AGBL4: variants seen among roughly 807,000 people sequenced by gnomAD.
AGBL4 encodes the protein AGBL carboxypeptidase 4.
A neutral mutation model predicts 66.4 loss-of-function variants in AGBL4; 58 were observed. The ratio of observed to expected loss-of-function variants is 0.87; its 90% confidence interval spans 0.71 to 1.09. AGBL4 has a LOEUF of 1.09. Among genes scored for constraint, AGBL4 ranks in the 50% least tolerant of loss-of-function variants. AGBL4 has a pLI of 0.00. For synonymous variants in AGBL4, 234 were observed against 222.9 expected (o/e 1.05, Z -0.44); for missense variants, 579 against 631.0 (o/e 0.92, Z 0.88).
intron 3 of AGBL4, among the ~76,000 whole-genome samples, chr1:49,351,021 G>C (rs1557861904): frequency 6.6e-6 from 1 of 152,112 alleles, no homozygotes; most frequent in Non-Finnish European, 1.5e-5. Flanking sequence ...CTGTCTCATG[G>C]AGTTTGTAAC....
intron 3 of AGBL4, among the ~76,000 whole-genome samples, chr1:49,397,154 A>C (rs903456347): frequency 5.9e-5 from 9 of 152,060 alleles, no homozygotes; most frequent in Non-Finnish European, 1.2e-4. Flanking sequence ...ACAGGCCACA[A>C]ACCAGTACTG....
intron 2 of AGBL4, among the ~76,000 whole-genome samples, chr1:49,773,104 C>T (rs952142907): frequency 1.3e-5 from 2 of 152,040 alleles, no homozygotes; most frequent in Non-Finnish European, 1.5e-5. Context: ...TCTTCTGTTT[C>T]GGCTAGTACA....
chr1:49,679,130 AGG>A, intron 3 of AGBL4, among the ~76,000 whole-genome samples: 1 of 152,186 alleles, frequency 6.6e-6, no homozygotes, highest in East Asian at 1.9e-4. Flanking sequence ...TTGTTGAGAG[AGG>A]GGTGTTGAAG....
At chr1:49,236,942 G>C (rs1342394241) in intron 4 of AGBL4, among the ~76,000 whole-genome samples, 1 of 151,942 alleles carries the variant, frequency 6.6e-6, no homozygotes, top group African/African-American at 2.4e-5. Flanking sequence ...CTGTTATCCT[G>C]ATAGGGAATC....
At chr1:49,843,315 T>G (rs1164140372) in intron 2 of AGBL4, among the ~76,000 whole-genome samples, 1 of 151,720 alleles carries the variant, frequency 6.6e-6, no homozygotes, top group Admixed American at 6.6e-5. Flanking sequence ...TGTGTGTGTG[T>G]GTGTGTGGAG....
At chr1:49,980,704 A>G (rs1328764556) in intron 1 of AGBL4, among the ~76,000 whole-genome samples, 1 of 152,162 alleles carries the variant, frequency 6.6e-6, no homozygotes, top group East Asian at 1.9e-4. Flanking sequence ...CCTCTTGGCT[A>G]TTGTGAATAC....
At chr1:48,930,735 T>C (rs1345433138) in intron 5 of AGBL4, among the ~76,000 whole-genome samples, 2 of 152,202 alleles carry the variant, frequency 1.3e-5, no homozygotes, top group Non-Finnish European at 2.9e-5. Context: ...AAATATTTTG[T>C]CACTACCATT....
In AGBL4 at chr1:49,645,912, G is replaced by GA. The variant is rs200013166; in HGVS notation, c.282+51400dup. On this transcript the variant is annotated intron_variant, in intron 3 of 13. Coordinates refer to ENST00000371839, the MANE Select transcript of AGBL4 (RefSeq NM_032785.4). ...TTCACCATTTTAACAAACTAAAAAA[G>GA]AAAAAAAAACCCATATGATTACCTA... Among the ~76,000 whole-genome samples the GA allele has an allele frequency of 8.9e-4, 132 of 148,342 alleles. 1 individual carries two copies. In the East Asian group the frequency reaches 0.019, roughly 22 times the overall value.
At chr1:49,031,962 A>ATGT (rs10680485) in intron 5 of AGBL4, among the ~76,000 whole-genome samples, 2 of 151,712 alleles carry the variant, frequency 1.3e-5, no homozygotes, top group South Asian at 4.2e-4. Flanking sequence ...GAGAAAGGGT[A>ATGT]CAAGAAAGAA....
At chr1:48,627,803 G>A (rs1292715653) in intron 9 of AGBL4, among the ~76,000 whole-genome samples, 1 of 152,108 alleles carries the variant, frequency 6.6e-6, no homozygotes, top group Non-Finnish European at 1.5e-5. Flanking sequence ...TCTCAAAATA[G>A]CAACTTTGGG....
intron 4 of AGBL4, among the ~76,000 whole-genome samples, chr1:49,191,302 T>G (rs894950060): frequency 6.6e-6 from 1 of 152,208 alleles, no homozygotes; most frequent in African/African-American, 2.4e-5. Context: ...ACTTCTCCAA[T>G]TATATCACCT....
chr1:49,904,747 A>C (rs1650095519), intron 1 of AGBL4, among the ~76,000 whole-genome samples: 1 of 152,250 alleles, frequency 6.6e-6, no homozygotes, highest in Non-Finnish European at 1.5e-5. Flanking sequence ...GAAGGTAAAC[A>C]ATCAGCCTAC....
chr1:49,715,723 T>A (rs1648068185), intron 2 of AGBL4, among the ~76,000 whole-genome samples: 1 of 152,178 alleles, frequency 6.6e-6, no homozygotes, highest in South Asian at 2.1e-4. Flanking sequence ...TGATGAGCCT[T>A]TTTTCATATA....
At chr1:49,512,276 C>T (rs1175324847) in intron 3 of AGBL4, among the ~76,000 whole-genome samples, 1 of 151,978 alleles carries the variant, frequency 6.6e-6, no homozygotes, top group Non-Finnish European at 1.5e-5. Flanking sequence ...TAAATCCTAC[C>T]TGCAATATTT....
chr1:49,921,228 T>G (rs529165208), intron 1 of AGBL4, among the ~76,000 whole-genome samples: 1 of 151,290 alleles, frequency 6.6e-6, no homozygotes, highest in Non-Finnish European at 1.5e-5. Flanking sequence ...ACCCTAGAAC[T>G]CAAAGTATAA....
chr1:49,095,584 G>A (rs1350247007), intron 4 of AGBL4, among the ~76,000 whole-genome samples: 1 of 152,046 alleles, frequency 6.6e-6, no homozygotes, highest in Non-Finnish European at 1.5e-5. Flanking sequence ...AACAAGAAAT[G>A]GGGAAAGGAT....
intron 3 of AGBL4, among the ~76,000 whole-genome samples, chr1:49,405,416 T>G (rs900326413): frequency 1.3e-5 from 2 of 152,208 alleles, no homozygotes; most frequent in Non-Finnish European, 2.9e-5. Context: ...CACTCTATTC[T>G]TTCATCTACA....
chr1:49,257,373 T>C (rs1652617378), intron 3 of AGBL4: 1 of 159,160 alleles, frequency 6.3e-6, no homozygotes, highest in African/African-American at 2.4e-5. Flanking sequence ...GCCTCAGCAA[T>C]GGCGGGCGCC....
chr1:49,781,007 G>C (rs560972875), intron 2 of AGBL4, among the ~76,000 whole-genome samples: 21 of 152,086 alleles, frequency 1.4e-4, no homozygotes, highest in Non-Finnish European at 3.1e-4. Context: ...GATACAAATT[G>C]ATGATAAGTA....
Sources: allele counts gnomAD v4.1 joint callset (sites outside exome capture counted in the v4.1 genomes callset), GRCh38; gene constraint gnomAD v4.1.1; transcripts MANE v1.5; gene names NCBI Gene and HGNC (gene_info 2026-07-23, HGNC 2026-07-21).